The following TSPAN2 variants were observed in gnomAD, a reference collection of about 807,000 sequenced individuals.
TSPAN2 encodes the protein tetraspanin-2.
TSPAN2 carries 24 observed loss-of-function variants against 33.3 expected under a neutral mutation model. The ratio of observed to expected loss-of-function variants is 0.72; its 90% CI spans 0.52 to 1.01. The LOEUF is 1.01. Among genes scored for constraint, TSPAN2 ranks in the 50% least tolerant of loss-of-function variants. The probability of loss-of-function intolerance (pLI) is 0.00; values close to 1 mark genes in which losing one functional copy is unlikely to be tolerated. For missense variants in TSPAN2, 278 were observed against 281.3 expected, an observed-to-expected ratio of 0.99 and a Z score of 0.08; for synonymous variants, 114 against 104.5, an observed-to-expected ratio of 1.09 and a Z score of -0.56.
intron 1 of TSPAN2, among the ~76,000 whole-genome samples, chr1:115,086,382 TC>T (rs1333517267): frequency 3.9e-5 from 6 of 152,176 alleles, no homozygotes; most frequent in African/African-American, 1.4e-4. Context: ...TGGCGCACAC[TC>T]CCCCTTGCTC....
At position 115,064,638 on chromosome 1, in the gene TSPAN2, A is replaced by C. The variant is rs180699033; in HGVS notation, c.173-2406T>G. The stretch of plus-strand genomic sequence containing the variant: ...AAGGCAGAATTCTTAGTCAGTGTGC[A>C]TTGGATTAGTAGATAAGACAGAGAA... On this transcript the variant is annotated intron_variant, in intron 2 of 7. Coordinates refer to ENST00000369516, the MANE Select transcript of TSPAN2 (RefSeq NM_005725.6). Among the ~76,000 whole-genome samples the C allele has an allele frequency of 2.6e-5, 4 of 152,358 alleles. No individual in the cohort carries two copies. The East Asian group carries it at 7.7e-4, about 29-fold the overall frequency.
In TSPAN2 at chr1:115,050,313, A is replaced by G. The variant is rs1332390222; in HGVS notation, c.*177T>C. On this transcript the variant is annotated 3_prime_UTR_variant, in exon 8 of 8. Transcript: ENST00000369516. ...ATGCTCTCAGTCATCATAAACAGGC[A>G]TTCACTCAAGGGGTAAACCAGTAAT... 3.1e-6 allele frequency: 2 copies of G among 654,756 alleles called. No individual in the cohort carries two copies. Among genetic ancestry groups the G allele is most frequent in the Non-Finnish European group, 5.4e-6 (2 of 367,552 alleles). 40.6% of individuals were successfully genotyped at this position (654,756 alleles called of 1,614,324 possible). A position where few individuals can be genotyped will look rare whatever the true frequency, so the allele number is the denominator to read the frequency against.
intron 1 of TSPAN2, among the ~76,000 whole-genome samples, chr1:115,082,083 T>A (rs747530593): frequency 6.6e-6 from 1 of 152,248 alleles, no homozygotes; most frequent in Non-Finnish European, 1.5e-5. Flanking sequence ...TCTCCAATGA[T>A]GTAAATGTCC....
intron 4 of TSPAN2, among the ~76,000 whole-genome samples, chr1:115,059,383 G>C (rs1322967505): frequency 6.6e-6 from 1 of 152,224 alleles, no homozygotes; most frequent in Admixed American, 6.5e-5. Flanking sequence ...GAGGATGGAA[G>C]GACAGACTAA....
intron 1 of TSPAN2, among the ~76,000 whole-genome samples, chr1:115,075,789 C>A (rs1247850239): frequency 6.6e-6 from 1 of 152,184 alleles, no homozygotes; most frequent in Admixed American, 6.5e-5. Context: ...TAGTCTCAAC[C>A]CCTCTTGCAT....
chr1:115,055,138 C>G (rs924662900), intron 6 of TSPAN2, among the ~76,000 whole-genome samples: 1 of 152,188 alleles, frequency 6.6e-6, no homozygotes, highest in Non-Finnish European at 1.5e-5. Context: ...TTCTACTTAT[C>G]CTATCACCAT....
At chr1:115,077,811 C>T (rs763545664) in intron 1 of TSPAN2, among the ~76,000 whole-genome samples, 11 of 152,198 alleles carry the variant, frequency 7.2e-5, no homozygotes, top group African/African-American at 9.7e-5. Context: ...CCTAGGCAGG[C>T]GCTGCGGTTG....
At chr1:115,058,857 T>A (rs1173929991) in intron 5 of TSPAN2, 26 bp downstream of exon 5, 1 of 1,540,398 alleles carries the variant, frequency 6.5e-7, no homozygotes, top group East Asian at 2.2e-5. Context: ...AAGCTGTGAT[T>A]TTAAGGAAGA....
chr1:115,081,399 A>T (rs925323119), intron 1 of TSPAN2, among the ~76,000 whole-genome samples: 1 of 152,210 alleles, frequency 6.6e-6, no homozygotes, highest in East Asian at 1.9e-4. Flanking sequence ...TACGATGTGG[A>T]GGACAGAGCT....
rs542503718 is a variant in TSPAN2 at position 115,050,495 on chromosome 1, T to C, written c.661A>G (p.Ile221Val). 5 of 1,613,972 alleles carry C rather than the reference T, an allele frequency of 3.1e-6. No individual in the cohort carries two copies. Among genetic ancestry groups the C allele is most frequent in the Non-Finnish European group, 4.2e-6 (5 of 1,179,872 alleles). Reference sequence around the variant, plus strand: ...ATTTTCATGTAGAAGTAGCTTCATATCACATCTCGTGAGTTTCGTATCGCA... The same window carrying C: ...ATTTTCATGTAGAAGTAGCTTCATACCACATCTCGTGAGTTTCGTATCGCA... ...CCAIRNSRDV[I>V] is the part of the protein sequence containing the mutation. Residue 221 changes from isoleucine to valine, a missense_variant, in exon 8 of 8, where the codon ATA becomes GTA. Transcript: ENST00000369516.
At chr1:115,059,412 A>G (rs571029481) in intron 4 of TSPAN2, among the ~76,000 whole-genome samples, 283 of 152,364 alleles carry the variant, frequency 1.9e-3, no homozygotes, top group Non-Finnish European at 3.3e-3. Flanking sequence ...GTTTTCATGG[A>G]CTAGAAAGAT....
chr1:115,074,603 T>G (rs903961310), intron 1 of TSPAN2, among the ~76,000 whole-genome samples: 3 of 152,166 alleles, frequency 2.0e-5, no homozygotes, highest in African/African-American at 7.2e-5. Flanking sequence ...TGAAAGGAGT[T>G]TTGCTAAAAC....
In TSPAN2 at chr1:115,074,574, G is replaced by A. The variant is rs79244078; in HGVS notation, c.70-1567C>T. ...GACGTCTGCATTTAAAAAAAGGGTG[G>A]CATGTCATGGAAACATATTGAAAGG... On this transcript the variant is annotated intron_variant, in intron 1 of 7. Coordinates refer to ENST00000369516, the MANE Select transcript of TSPAN2 (RefSeq NM_005725.6). 9.9e-3 allele frequency among the ~76,000 whole-genome samples: 1,512 copies of A among 152,270 alleles called. 21 individuals carry two copies. The highest frequency in any genetic ancestry group is 0.035 in the African/African-American group (1,452 of 41,538).
intron 3 of TSPAN2, among the ~76,000 whole-genome samples, chr1:115,061,528 C>T (rs1464226346): frequency 6.6e-6 from 1 of 152,176 alleles, no homozygotes; most frequent in Non-Finnish European, 1.5e-5. Flanking sequence ...CTGCCTCACC[C>T]ACTGTGAAAT....
chr1:115,062,042 G>T, intron 3 of TSPAN2, 93 bp downstream of exon 3: 1 of 1,071,580 alleles, frequency 9.3e-7, no homozygotes, highest in South Asian at 1.5e-5. Context: ...GTCCACGGAG[G>T]AGCTGGAGCC....
intron 3 of TSPAN2, 35 bp downstream of exon 3, chr1:115,062,100 C>T (rs1432694124): frequency 4.1e-6 from 6 of 1,478,508 alleles, no homozygotes; most frequent in Admixed American, 3.9e-5. Flanking sequence ...GCTCCCTCAC[C>T]CCCACCCCAC....
chr1:115,059,910 A>G (rs1647635171), intron 4 of TSPAN2, among the ~76,000 whole-genome samples: 1 of 152,196 alleles, frequency 6.6e-6, no homozygotes, highest in South Asian at 2.1e-4. Flanking sequence ...CTCCTTTTCC[A>G]TTCCATTCTC....
At chr1:115,085,457 C>T (rs1648796900) in intron 1 of TSPAN2, among the ~76,000 whole-genome samples, 1 of 152,168 alleles carries the variant, frequency 6.6e-6, no homozygotes, top group South Asian at 2.1e-4. Flanking sequence ...GATCACCAAA[C>T]AGAACCTGTC....
At chr1:115,065,304 C>T (rs1357684006) in intron 2 of TSPAN2, among the ~76,000 whole-genome samples, 1 of 152,108 alleles carries the variant, frequency 6.6e-6, no homozygotes, top group African/African-American at 2.4e-5. Context: ...TATGGTCTGA[C>T]CCTCAAAAAA....
Sources: gnomAD v4.1 joint callset for allele counts (sites outside exome capture counted in the v4.1 genomes callset) on GRCh38, gnomAD v4.1.1 for gene constraint, MANE v1.5 for transcripts, NCBI Gene and HGNC (gene_info 2026-07-23, HGNC 2026-07-21) for gene names.